The following RNF144B variants were observed in gnomAD, a reference collection of about 807,000 sequenced individuals.
RNF144B encodes the protein E3 ubiquitin-protein ligase RNF144B.
RNF144B carries 25 observed loss-of-function variants against 40.2 expected under a neutral mutation model. That is an observed-to-expected ratio of 0.62 (90% CI 0.45 to 0.87). RNF144B has a LOEUF of 0.87. Among genes scored for constraint, RNF144B ranks in the 40% least tolerant of loss-of-function variants. RNF144B has a pLI of 0.00. For missense variants in RNF144B, 365 were observed against 373.7 expected (o/e 0.98, Z 0.19); for synonymous variants, 145 against 136.3 (o/e 1.06, Z -0.44).
chr6:18,458,517 C>T lies in RNF144B; in HGVS notation c.537-1090C>T, dbSNP rs1759381879. Among the ~76,000 whole-genome samples, 1 of 152,100 alleles carries T rather than the reference C, an allele frequency of 6.6e-6. No individual in the cohort carries two copies. The highest frequency in any genetic ancestry group is 1.5e-5 in the Non-Finnish European group (1 of 68,024). On this transcript the variant is annotated intron_variant, in intron 5 of 7. Transcript: ENST00000259939. This position sits in a 1 kb window ranked among gnomAD's most constrained non-coding sequence, Gnocchi z 4.8. ...CATGGCAGGCATGTGCCCTCTTAGC[C>T]GGATTCAAACCACTGTTGCCTACAT...
rs931463391 is a variant in RNF144B, at chr6:18,406,228, G to T, written c.165+6529G>T. The T allele has an allele frequency of 4.0e-6, 2 of 504,742 alleles. No homozygotes were observed. Among genetic ancestry groups the T allele is most frequent in the Non-Finnish European group, 7.9e-6 (2 of 252,240 alleles). 31.3% of individuals were successfully genotyped at this position (504,742 alleles called of 1,614,324 possible). A position where few individuals can be genotyped will look rare whatever the true frequency, so the allele number is the denominator to read the frequency against. ...TTTGTGCTATGGAAAAATAGGGTGA[G>T]GGGGGTCAGGAGTGCTGTGGGGAAG... On this transcript the variant is annotated intron_variant, in intron 2 of 7. Transcript: ENST00000259939. The surrounding 1 kb of genome is among the most constrained non-coding windows in gnomAD (Gnocchi z 4.2).
rs1396641450 is a variant in RNF144B at position 18,410,944 on chromosome 6, C to T, written c.165+11245C>T. 3.3e-5 allele frequency among the ~76,000 whole-genome samples: 5 copies of T among 151,880 alleles called. No individual in the cohort carries two copies. Among genetic ancestry groups the T allele is most frequent in the Non-Finnish European group, 5.9e-5 (4 of 67,968 alleles). Reference sequence around the variant, plus strand: ...GCCCCAATTTCTCTTTTTTCCTATCCATTTGGGATACTGTCAGCTTTCTTT... The same window carrying T: ...GCCCCAATTTCTCTTTTTTCCTATCTATTTGGGATACTGTCAGCTTTCTTT... On this transcript the variant is annotated intron_variant, in intron 2 of 7. Transcript: ENST00000259939. The surrounding 1 kb of genome is among the most constrained non-coding windows in gnomAD (Gnocchi z 4.6).
chr6:18,450,875 G>T lies in RNF144B; in HGVS notation c.332-6280G>T, dbSNP rs1182045389. Among the ~76,000 whole-genome samples the T allele has an allele frequency of 6.6e-6, 1 of 152,148 alleles. No homozygotes were observed. Among genetic ancestry groups the T allele is most frequent in the East Asian group, 1.9e-4 (1 of 5,198 alleles). On this transcript the variant is annotated intron_variant, in intron 4 of 7. Coordinates refer to ENST00000259939, the MANE Select transcript of RNF144B (RefSeq NM_182757.4). This position sits in a 1 kb window ranked among gnomAD's most constrained non-coding sequence, Gnocchi z 4.7. Reference sequence around the variant, plus strand: ...TTTTTAAAAAAGATCTGTTGATATGGTGCTTTATCTCTTTGTAATCTAATG... The same window carrying T: ...TTTTTAAAAAAGATCTGTTGATATGTTGCTTTATCTCTTTGTAATCTAATG...
intron 3 of RNF144B, among the ~76,000 whole-genome samples, chr6:18,435,787 C>G (rs13209435): frequency 0.13 from 19,254 of 151,000 alleles, 1,370 homozygotes; most frequent in Admixed American, 0.19. Flanking sequence ...AAACCAAACA[C>G]CACATGTTCT....
rs1018373175 is a variant in RNF144B, at chr6:18,400,267, T to C, written c.165+568T>C. Among the ~76,000 whole-genome samples the C allele has an allele frequency of 7.7e-6, 1 of 129,108 alleles. No homozygotes were observed. The highest frequency in any genetic ancestry group is 1.7e-5 in the Non-Finnish European group (1 of 59,712). The allele number at this position is 129,108 out of a possible 152,430, so 84.7% of individuals were successfully genotyped here. On this transcript the variant is annotated intron_variant, in intron 2 of 7. Transcript: ENST00000259939. The surrounding 1 kb of genome is among the most constrained non-coding windows in gnomAD (Gnocchi z 5.6). ...CAGCCTGGGCGACAGAGCGAGACTC[T>C]GTCTCAAAAAAAAAAAAAAAAATTT...
In RNF144B at chr6:18,448,229, T is replaced by C. The variant is rs989453193; in HGVS notation, c.331+8485T>C. Among the ~76,000 whole-genome samples, 8 of 151,986 alleles carry C rather than the reference T, an allele frequency of 5.3e-5. No homozygotes were observed. Among genetic ancestry groups the C allele is most frequent in the Admixed American group, 2.0e-4 (3 of 15,248 alleles). On this transcript the variant is annotated intron_variant, in intron 4 of 7. Transcript: ENST00000259939. The surrounding 1 kb of genome is among the most constrained non-coding windows in gnomAD (Gnocchi z 4.0). ...TACAGGAGAGGGAGGGGGGAGGTAA[T>C]TGCAGAAGCCAAATCCTTGAGAGTG...
intron 4 of RNF144B, among the ~76,000 whole-genome samples, chr6:18,453,201 C>A (rs571607765): frequency 1.4e-5 from 2 of 144,156 alleles, no homozygotes; most frequent in Admixed American, 7.3e-5. Flanking sequence ...TACAGTGGCA[C>A]GATCTTGGTT....
intron 3 of RNF144B, among the ~76,000 whole-genome samples, chr6:18,428,702 A>C (rs1489230238): frequency 1.3e-5 from 2 of 151,768 alleles, no homozygotes; most frequent in Admixed American, 6.6e-5. Context: ...AGGCACCACC[A>C]CCCCCCAGTT....
intron 6 of RNF144B, among the ~76,000 whole-genome samples, chr6:18,462,754 C>T (rs1365691644): frequency 1.3e-5 from 2 of 151,744 alleles, no homozygotes; most frequent in Non-Finnish European, 2.9e-5. Flanking sequence ...TTCAACGTGT[C>T]CAAACTTATC....
At chr6:18,409,500 T>C (rs2113474471) in intron 2 of RNF144B, among the ~76,000 whole-genome samples, 1 of 150,616 alleles carries the variant, frequency 6.6e-6, no homozygotes, top group Non-Finnish European at 1.5e-5. Context: ...TAGTAACTTA[T>C]GCCCTCCCCC....
chr6:18,391,784 C>T (rs1433848051), intron 1 of RNF144B, among the ~76,000 whole-genome samples: 16 of 151,422 alleles, frequency 1.1e-4, no homozygotes, highest in African/African-American at 2.9e-4. Flanking sequence ...AGGAGGATGG[C>T]GTGAACCCAG....
chr6:18,401,149 C>T (rs567329554), intron 2 of RNF144B, among the ~76,000 whole-genome samples: 1 of 150,296 alleles, frequency 6.7e-6, no homozygotes, highest in Admixed American at 6.6e-5. Context: ...TAAAAGAATT[C>T]AATTTTTGCT....
At chr6:18,462,063 C>T (rs1759467249) in intron 6 of RNF144B, among the ~76,000 whole-genome samples, 1 of 152,206 alleles carries the variant, frequency 6.6e-6, no homozygotes, top group Non-Finnish European at 1.5e-5. Flanking sequence ...ACTCTCTCAA[C>T]ATATCCATGC....
At chr6:18,428,604 A>T in intron 3 of RNF144B, among the ~76,000 whole-genome samples, 1 of 151,994 alleles carries the variant, frequency 6.6e-6, no homozygotes. Context: ...GTTTATTCTT[A>T]GGGTGTTTGT....
rs1007127036 is a variant in RNF144B, at chr6:18,410,366, A to T, written c.165+10667A>T. The stretch of plus-strand genomic sequence containing the variant: ...AGCCCTGCTGTTATGTGGGCAGTAG[A>T]CCCTCTGATAAAGGAAGTACAATAT... On this transcript the variant is annotated intron_variant, in intron 2 of 7. Coordinates refer to ENST00000259939, the MANE Select transcript of RNF144B (RefSeq NM_182757.4). This position sits in a 1 kb window ranked among gnomAD's most constrained non-coding sequence, Gnocchi z 4.6. Among the ~76,000 whole-genome samples, 2 of 151,948 alleles carry T rather than the reference A, an allele frequency of 1.3e-5. No homozygotes were observed. Among genetic ancestry groups the T allele is most frequent in the Admixed American group, 1.3e-4 (2 of 15,244 alleles).
At chr6:18,423,122 A>G (rs1489180624) in intron 2 of RNF144B, among the ~76,000 whole-genome samples, 1 of 152,046 alleles carries the variant, frequency 6.6e-6, no homozygotes, top group East Asian at 1.9e-4. Flanking sequence ...CCATTCTCCA[A>G]TTATACTTTA....
chr6:18,449,952 G>C (rs141608139), intron 4 of RNF144B, among the ~76,000 whole-genome samples: 4 of 152,294 alleles, frequency 2.6e-5, no homozygotes, highest in Non-Finnish European at 5.9e-5. Context: ...AATAGAGAAA[G>C]TAGATGGAAA....
intron 3 of RNF144B, 126 bp downstream of exon 3, chr6:18,427,811 G>A: frequency 1.6e-6 from 1 of 615,454 alleles, no homozygotes; most frequent in South Asian, 2.1e-5. Context: ...TTTTAAAGGA[G>A]CACTTTATTG....
Position 18,457,935 on chromosome 6 carries a change from T to TTTTTTG in RNF144B, c.536+580_536+581insTGTTTT, listed in dbSNP as rs1414192059. Among the ~76,000 whole-genome samples, 4 of 152,064 alleles carry TTTTTTG rather than the reference T, an allele frequency of 2.6e-5. No individual in the cohort carries two copies. Among genetic ancestry groups the TTTTTTG allele is most frequent in the Admixed American group, 6.5e-5 (1 of 15,288 alleles). On this transcript the variant is annotated intron_variant, in intron 5 of 7. Transcript: ENST00000259939. The surrounding 1 kb of genome is among the most constrained non-coding windows in gnomAD (Gnocchi z 5.1). ...GTACCTTTTTAGTACAGCGGGTTTT[T>TTTTTTG]TTTTGTTTTGTTTTGTTTTTGAGAC...
Sources: gnomAD v4.1 joint callset for allele counts (sites outside exome capture counted in the v4.1 genomes callset) on GRCh38, gnomAD v4.1.1 for gene constraint, Gnocchi (gnomAD v3.1) non-coding constraint, MANE v1.5 for transcripts, NCBI Gene and HGNC (gene_info 2026-07-23, HGNC 2026-07-21) for gene names.